The following SORCS2 variants were observed in gnomAD, a reference collection of about 807,000 sequenced individuals.
The protein encoded by SORCS2 is sortilin related VPS10 domain containing receptor 2, also known as VPS10 domain-containing receptor SorCS2.
In SORCS2, 100 loss-of-function variants were observed where a neutral mutation model predicts 141.6. The ratio of observed to expected loss-of-function variants is 0.71; its 90% CI spans 0.60 to 0.83. The LOEUF is 0.83. SORCS2 is among the 40% of genes least tolerant of loss of function. The pLI is 0.00. For synonymous variants in SORCS2, 789 were observed against 676.9 expected (o/e 1.17, Z -2.57); for missense variants, 1,646 against 1,560.2 (o/e 1.05, Z -0.93).
Position 7,740,785 on chromosome 4 carries a change from GC to G in SORCS2, c.*527del, listed in dbSNP as rs1712607802. The G allele has an allele frequency of 2.0e-5, 7 of 352,362 alleles. No individual in the cohort carries two copies. The Admixed American group carries it at 2.3e-4, about 11-fold the overall frequency. The allele number at this position is 352,362 out of a possible 1,614,324, so 21.8% of individuals were successfully genotyped here. ...CTCCCAACACCACACCACCCTCCAG[GC>G]CCCCCTGCCCTCCGGCTGGAAACTG... is the stretch of plus-strand genomic sequence containing the variant. On this transcript the variant is annotated 3_prime_UTR_variant, in exon 27 of 27. Transcript: ENST00000507866.
intron 1 of SORCS2, among the ~76,000 whole-genome samples, chr4:7,331,806 A>G (rs758605536): frequency 9.2e-5 from 14 of 152,164 alleles, no homozygotes; most frequent in Non-Finnish European, 1.8e-4. Context: ...ACCTCCTGTG[A>G]GCCCTGGACC....
Position 7,721,505 on chromosome 4 carries a change from A to C in SORCS2, c.2425-2192A>C, listed in dbSNP as rs181860003. The stretch of plus-strand genomic sequence containing the variant: ...AGTAATACCTGCTTCAACCTGGATG[A>C]GCCTCAAGTGGATTATGCCGAGTGA... On this transcript the variant is annotated intron_variant, in intron 18 of 26. Transcript: ENST00000507866. 1.5e-4 allele frequency among the ~76,000 whole-genome samples: 23 copies of C among 152,302 alleles called. No homozygotes were observed. In the East Asian group the frequency reaches 2.9e-3, roughly 19 times the overall value.
At chr4:7,633,654 C>G (rs149481184) in intron 3 of SORCS2, among the ~76,000 whole-genome samples, 189 of 152,314 alleles carry the variant, frequency 1.2e-3, no homozygotes, top group African/African-American at 4.4e-3. Flanking sequence ...TTTTTCTATG[C>G]GTTTTGCTCT....
At chr4:7,497,061 A>G (rs573334734) in intron 2 of SORCS2, among the ~76,000 whole-genome samples, 4 of 152,356 alleles carry the variant, frequency 2.6e-5, no homozygotes, top group African/African-American at 7.2e-5. Context: ...GATGTTGGCT[A>G]TTCTGCAGAA....
chr4:7,265,917 C>T (rs1714689351), intron 1 of SORCS2, among the ~76,000 whole-genome samples: 1 of 152,112 alleles, frequency 6.6e-6, no homozygotes, highest in African/African-American at 2.4e-5. Context: ...AGCCCAGGAC[C>T]AGGGCTCAGG....
At chr4:7,202,151 C>T (rs1350129689) in intron 1 of SORCS2, among the ~76,000 whole-genome samples, 1 of 152,180 alleles carries the variant, frequency 6.6e-6, no homozygotes, top group East Asian at 1.9e-4. Context: ...CTCTGCAAGG[C>T]TGTAAAACAC....
intron 2 of SORCS2, among the ~76,000 whole-genome samples, chr4:7,519,554 G>C (rs1003618475): frequency 5.3e-5 from 8 of 152,184 alleles, no homozygotes; most frequent in Admixed American, 3.9e-4. Context: ...AGCACGTGGC[G>C]GCCACGGTGA....
intron 1 of SORCS2, among the ~76,000 whole-genome samples, chr4:7,387,554 CAT>C (rs141851583): frequency 0.27 from 35,933 of 134,852 alleles, 4,624 homozygotes; most frequent in East Asian, 0.48. Context: ...TGCACATACA[CAT>C]ATGTACACAC....
chr4:7,465,590 G>A (rs1015488019), intron 2 of SORCS2, among the ~76,000 whole-genome samples: 5 of 152,128 alleles, frequency 3.3e-5, no homozygotes, highest in Non-Finnish European at 5.9e-5. Context: ...GGAGATATGT[G>A]TGCACTTTTC....
At position 7,437,563 on chromosome 4, in the gene SORCS2, G is replaced by A. The variant is rs539445342; in HGVS notation, c.548+41208G>A. ...CTTTCTGGTGACCAGCCCCATCAGAGGCCATCTAGGGACCCCACTGTAGGT... is the reference window on the plus strand; with the variant it reads ...CTTTCTGGTGACCAGCCCCATCAGAAGCCATCTAGGGACCCCACTGTAGGT... On this transcript the variant is annotated intron_variant, in intron 2 of 26. Transcript: ENST00000507866. Among the ~76,000 whole-genome samples the A allele has an allele frequency of 5.9e-5, 9 of 152,266 alleles. No individual in the cohort carries two copies. The South Asian group carries it at 1.9e-3, about 32-fold the overall frequency.
rs756621560 is a variant in SORCS2, at chr4:7,433,628, C to G, written c.548+37273C>G. The G allele has an allele frequency of 1.9e-6, 3 of 1,611,024 alleles. No homozygotes were observed. In the Admixed American group the frequency reaches 5.0e-5, roughly 27 times the overall value. On this transcript the variant is annotated intron_variant, in intron 2 of 26. Transcript: ENST00000507866. ...CCACCCTTGAAGGCCACCAGGATGTCTCGCTTGGTGCTCTTGCTCTCCAAG... is the reference window on the plus strand; with the variant it reads ...CCACCCTTGAAGGCCACCAGGATGTGTCGCTTGGTGCTCTTGCTCTCCAAG...
intron 1 of SORCS2, among the ~76,000 whole-genome samples, chr4:7,288,137 C>CT (rs1203509654): frequency 1.3e-5 from 2 of 152,208 alleles, no homozygotes; most frequent in African/African-American, 2.4e-5. Flanking sequence ...AGCTCGGCTG[C>CT]TTAATGAAGG....
In SORCS2 at chr4:7,728,405, C is replaced by T. The variant is rs1418977680; in HGVS notation, c.2925C>T (p.Pro975=). The T allele has an allele frequency of 3.7e-6, 6 of 1,613,728 alleles. No individual in the cohort carries two copies. The highest frequency in any genetic ancestry group is 1.3e-5 in the African/African-American group (1 of 74,940). ...QFSKELDAYN[P]NTPEWREDVG... ...CCAAGGAGCTGGATGCCTACAACCC[C>T]AACACCCCTGAGTGGAGGGAAGACG... The change falls in exon 22 of 27, where the codon CCC becomes CCT. Residue 975 remains proline, a synonymous_variant. Coordinates refer to ENST00000507866, the MANE Select transcript of SORCS2 (RefSeq NM_020777.3).
chr4:7,208,965 C>A (rs1379356631), intron 1 of SORCS2, among the ~76,000 whole-genome samples: 1 of 152,198 alleles, frequency 6.6e-6, no homozygotes, highest in African/African-American at 2.4e-5. Context: ...GCCTGGCCTG[C>A]CTCAGGGGGC....
rs192626905 is a variant in SORCS2, at chr4:7,403,157, C to T, written c.548+6802C>T. Among the ~76,000 whole-genome samples the T allele has an allele frequency of 1.1e-3, 171 of 152,240 alleles. 1 individual carries two copies. Among genetic ancestry groups the T allele is most frequent in the Admixed American group, 2.0e-3 (30 of 15,302 alleles). On this transcript the variant is annotated intron_variant, in intron 2 of 26. Coordinates refer to ENST00000507866, the MANE Select transcript of SORCS2 (RefSeq NM_020777.3). ...GTATTAGTCAGCTATATGGCAATAA[C>T]GAACCCAGTGGCATGCACTCAGCAT...
At chr4:7,632,166 T>C (rs1437587530) in intron 3 of SORCS2, among the ~76,000 whole-genome samples, 1 of 152,230 alleles carries the variant, frequency 6.6e-6, no homozygotes, top group Non-Finnish European at 1.5e-5. Context: ...CCTGACCATT[T>C]GCTGGTCCCC....
At chr4:7,423,948 C>T (rs1369720597) in intron 2 of SORCS2, among the ~76,000 whole-genome samples, 1 of 152,226 alleles carries the variant, frequency 6.6e-6, no homozygotes, top group Non-Finnish European at 1.5e-5. Flanking sequence ...AAGAGGCACA[C>T]TCCTTGCTCC....
intron 14 of SORCS2, among the ~76,000 whole-genome samples, chr4:7,706,702 G>C (rs1283404992): frequency 7.0e-6 from 1 of 142,844 alleles, no homozygotes; most frequent in Non-Finnish European, 1.5e-5. Flanking sequence ...ATGAGGCTGG[G>C]CTCTGCCTGG....
At chr4:7,459,168 G>C (rs532961957) in intron 2 of SORCS2, among the ~76,000 whole-genome samples, 70 of 152,266 alleles carry the variant, frequency 4.6e-4, no homozygotes, top group African/African-American at 6.3e-4. Flanking sequence ...CAGCCACACA[G>C]AGCTCAGATC....
Sources: gnomAD v4.1 joint callset for allele counts (sites outside exome capture counted in the v4.1 genomes callset) on GRCh38, gnomAD v4.1.1 for gene constraint, MANE v1.5 for transcripts, NCBI Gene and HGNC (gene_info 2026-07-23, HGNC 2026-07-21) for gene names.